Variants in TTC17 observed in about 807,000 individuals in gnomAD.
TTC17 encodes the protein tetratricopeptide repeat protein 17.
Under a neutral mutation model 143.8 loss-of-function variants are expected in TTC17, and 58 were observed. The observed-to-expected ratio is 0.40, with a 90% CI of 0.33 to 0.50. The LOEUF (loss-of-function observed/expected upper bound fraction) is 0.50, where lower values mean the gene tolerates loss of function less well. Among genes scored for constraint, TTC17 ranks in the 20% least tolerant of loss-of-function variants. TTC17 has a pLI of 0.49. For synonymous variants in TTC17, 501 were observed against 497.8 expected (o/e 1.01, Z -0.09); for missense variants, 1,273 against 1,392.5 (o/e 0.91, Z 1.37).
intron 21 of TTC17, among the ~76,000 whole-genome samples, chr11:43,460,925 C>A (rs1947853564): frequency 6.6e-6 from 1 of 152,212 alleles, no homozygotes; most frequent in South Asian, 2.1e-4. Flanking sequence ...ACTACTTCAT[C>A]CATGCTGCCT....
At chr11:43,445,936 C>T in intron 18 of TTC17, 1 of 1,326,278 alleles carries the variant, frequency 7.5e-7, no homozygotes, top group East Asian at 2.5e-5. Context: ...GTTAGGGCTA[C>T]TAGACTGGAA....
intron 21 of TTC17, among the ~76,000 whole-genome samples, chr11:43,488,512 A>AT (rs1948417585): frequency 6.6e-6 from 1 of 151,206 alleles, no homozygotes; most frequent in South Asian, 2.1e-4. Flanking sequence ...TAAAGGTAGT[A>AT]TCTCAGTGGG....
At chr11:43,414,103 A>G (rs1349946758) in intron 15 of TTC17, among the ~76,000 whole-genome samples, 2 of 152,244 alleles carry the variant, frequency 1.3e-5, no homozygotes, top group Admixed American at 1.3e-4. Context: ...AGCTTAAAAA[A>G]CAATGAGCTA....
intron 18 of TTC17, chr11:43,446,452 C>A (rs1947543491): frequency 2.3e-5 from 6 of 260,852 alleles, no homozygotes; most frequent in Non-Finnish European, 3.0e-5. Flanking sequence ...CCTTTCTGTA[C>A]CCCTAGTGTC....
At chr11:43,461,390 CAAAAAAA>C (rs750240102) in intron 21 of TTC17, among the ~76,000 whole-genome samples, 3 of 36,062 alleles carry the variant, frequency 8.3e-5, no homozygotes, top group Non-Finnish European at 1.0e-4. Context: ...AACTCCGTCT[CAAAAAAA>C]AAAAAAAAAA....
intron 1 of TTC17, among the ~76,000 whole-genome samples, chr11:43,373,165 ATATT>A (rs1856634996): frequency 6.6e-6 from 1 of 152,088 alleles, no homozygotes; most frequent in African/African-American, 2.4e-5. Context: ...ACAGTAAAAT[ATATT>A]TAGTTTATAA....
At chr11:43,404,284 A>C (rs757097830) in intron 11 of TTC17, 140 bp downstream of exon 11, 37 of 760,170 alleles carry the variant, frequency 4.9e-5, no homozygotes, top group Non-Finnish European at 6.7e-5. Context: ...TTTCTATTAA[A>C]TGGAAGCTAT....
Position 43,405,812 on chromosome 11 carries a change from A to G in TTC17, c.1622A>G (p.Tyr541Cys). 1 of 1,614,050 alleles carries G rather than the reference A, an allele frequency of 6.2e-7. No homozygotes were observed. Among genetic ancestry groups the G allele is most frequent in the South Asian group, 1.1e-5 (1 of 91,078 alleles). ...LRIHELSSDDYSTEEEAQTPD... is the reference protein window; with the variant it reads ...LRIHELSSDDCSTEEEAQTPD... ...ATCCACGAACTCAGCAGTGATGATT[A>G]TTCTACAGAAGAAGAGGCCCAAACC... Residue 541 changes from tyrosine to cysteine, a missense_variant, in exon 13 of 24, where the codon TAT (tyrosine) becomes TGT (cysteine). Tyr to Cys is a radical substitution (Grantham distance 194, BLOSUM62 -2). Around this residue, in one of 3 missense-constraint regions of TTC17, gnomAD observed 878 missense variants for 899.8 expected, o/e 0.98. Transcript: ENST00000039989.
At chr11:43,370,215 A>G in intron 1 of TTC17, 1 of 380,082 alleles carries the variant, frequency 2.6e-6, no homozygotes, top group Non-Finnish European at 5.2e-6. Flanking sequence ...AGATAATTCC[A>G]TGAGAAGTGG....
intron 1 of TTC17, among the ~76,000 whole-genome samples, chr11:43,365,076 C>T (rs1856278159): frequency 6.6e-6 from 1 of 151,926 alleles, no homozygotes; most frequent in East Asian, 1.9e-4. Context: ...GCTGGGATTA[C>T]AGGCGTGAAC....
intron 16 of TTC17, among the ~76,000 whole-genome samples, chr11:43,427,420 C>T (rs1048269653): frequency 6.6e-6 from 1 of 152,140 alleles, no homozygotes; most frequent in Non-Finnish European, 1.5e-5. Context: ...TAACATCTGC[C>T]TTTTGCAGAA....
In TTC17 at chr11:43,451,221, T is replaced by A. The variant is rs758105549; in HGVS notation, c.2986T>A (p.Ser996Thr). 1 of 1,613,772 alleles carries A rather than the reference T, an allele frequency of 6.2e-7. No homozygotes were observed. The highest frequency in any genetic ancestry group is 8.5e-7 in the Non-Finnish European group (1 of 1,179,706). ...CGGCAAAGACCAATATCCACAACAG[T>A]CGCTTGAACAGATTGGCACCCGAAT... ...NLGKDQYPQQSLEQIGTRIAK... is the reference protein window; with the variant it reads ...NLGKDQYPQQTLEQIGTRIAK... The change falls in exon 21 of 24, where the codon TCG becomes ACG. Residue 996 changes from serine to threonine, a missense_variant. Ser to Thr is a moderately conservative substitution (Grantham distance 58, BLOSUM62 1). Around this residue, in one of 3 missense-constraint regions of TTC17, gnomAD observed 878 missense variants for 899.8 expected, o/e 0.98. Transcript: ENST00000039989.
chr11:43,368,909 C>G (rs2134446447), intron 1 of TTC17, among the ~76,000 whole-genome samples: 1 of 152,290 alleles, frequency 6.6e-6, no homozygotes, highest in East Asian at 1.9e-4. Context: ...CCATACCAGC[C>G]CTCGGGATGT....
At chr11:43,362,436 G>A (rs1009197753) in intron 1 of TTC17, among the ~76,000 whole-genome samples, 47 of 152,194 alleles carry the variant, frequency 3.1e-4, no homozygotes, top group African/African-American at 1.0e-3. Flanking sequence ...GTTACATACC[G>A]CAGACTTGTC....
At chr11:43,362,901 A>C (rs1014274363) in intron 1 of TTC17, among the ~76,000 whole-genome samples, 1 of 152,194 alleles carries the variant, frequency 6.6e-6, no homozygotes, top group Non-Finnish European at 1.5e-5. Flanking sequence ...CATTCCAATC[A>C]CTAAGTTCCT....
At chr11:43,359,346 G>T (rs932258284) in intron 1 of TTC17, 2 of 494,136 alleles carry the variant, frequency 4.0e-6, no homozygotes, top group Admixed American at 8.9e-5. Flanking sequence ...TCCACCTCGC[G>T]GGCCGCGCGC....
Position 43,407,567 on chromosome 11 carries a change from A to G in TTC17, c.2054A>G (p.Asn685Ser), listed in dbSNP as rs146700988. ...TKLLLQALAI[N>S]SSEPLTFLSL... ...CTGCTACTTCAAGCTTTGGCCATCA[A>G]TAGCTCTGAGGTGAGGTTTTAAGGG... Residue 685 changes from asparagine (N) to serine (S), a missense_variant, in exon 15 of 24, where the codon AAT becomes AGT. By Grantham distance (46) the Asn-to-Ser change is conservative. This residue lies in a region of TTC17 where 878 missense variants were observed against 899.8 expected (regional missense o/e 0.98). Transcript: ENST00000039989. The G allele has an allele frequency of 7.2e-5, 116 of 1,613,942 alleles. 1 individual carries two copies. Among genetic ancestry groups the G allele is most frequent in the East Asian group, 6.0e-4 (27 of 44,858 alleles).
intron 15 of TTC17, among the ~76,000 whole-genome samples, chr11:43,409,688 G>A (rs775263109): frequency 6.6e-5 from 10 of 152,104 alleles, no homozygotes; most frequent in Non-Finnish European, 1.2e-4. Flanking sequence ...TTGAACTCAG[G>A]GAGATTGGCC....
At chr11:43,380,350 G>T (rs971965792) in intron 2 of TTC17, among the ~76,000 whole-genome samples, 1 of 152,092 alleles carries the variant, frequency 6.6e-6, no homozygotes, top group African/African-American at 2.4e-5. Flanking sequence ...CCACCTCCCC[G>T]GTTCAAGCCA....
Sources: gnomAD v4.1 joint callset for allele counts (sites outside exome capture counted in the v4.1 genomes callset) on GRCh38, gnomAD v4.1.1 for gene constraint, gnomAD v4.1.1 regional missense constraint, MANE v1.5 for transcripts, NCBI Gene and HGNC (gene_info 2026-07-23, HGNC 2026-07-21) for gene names.